MEIS3: variants seen among roughly 807,000 people sequenced by gnomAD.
MEIS3 encodes homeobox protein Meis3.
Under a neutral mutation model 51.4 loss-of-function variants are expected in MEIS3, and 38 were observed. That is an observed-to-expected ratio of 0.74 (90% CI 0.57 to 0.97). The LOEUF (loss-of-function observed/expected upper bound fraction) is 0.97, where lower values mean the gene tolerates loss of function less well. Among genes scored for constraint, MEIS3 ranks in the 50% least tolerant of loss-of-function variants. The probability of loss-of-function intolerance (pLI) is 0.00; values close to 1 mark genes in which losing one functional copy is unlikely to be tolerated. For missense variants in MEIS3, 456 were observed against 502.6 expected (o/e 0.91, Z 0.89); for synonymous variants, 198 against 201.8 (o/e 0.98, Z 0.16).
intron 8 of MEIS3, chr19:47,407,698 G>A (rs1217490926): frequency 2.9e-6 from 2 of 697,318 alleles, no homozygotes; most frequent in Non-Finnish European, 4.3e-6. Flanking sequence ...TGGGGGAGGG[G>A]GCTCCTGTGG....
At chr19:47,416,317 T>G in intron 4 of MEIS3, 1 of 277,564 alleles carries the variant, frequency 3.6e-6, no homozygotes. Context: ...CGCACTTGAA[T>G]CGCATTCACT....
At chr19:47,407,915 C>CT (rs1970930712) in intron 8 of MEIS3, among the ~76,000 whole-genome samples, 1 of 152,182 alleles carries the variant, frequency 6.6e-6, no homozygotes, top group Non-Finnish European at 1.5e-5. Context: ...TCAAGGGATT[C>CT]CCCGCCTCAG....
At chr19:47,414,694 C>G in intron 6 of MEIS3, 23 bp downstream of exon 6, 1 of 1,568,194 alleles carries the variant, frequency 6.4e-7, no homozygotes. Flanking sequence ...CAGGACGATG[C>G]CTGGTGCCCG....
chr19:47,421,500 G>A (rs940833956), upstream of MEIS3, among the ~76,000 whole-genome samples: 9 of 152,050 alleles, frequency 5.9e-5, no homozygotes, highest in South Asian at 4.2e-4. Context: ...CCTCTCTCTC[G>A]GGCCTGCTAG....
Position 47,403,352 on chromosome 19 carries a change from C to T in MEIS3, c.*219G>A. 2.2e-6 allele frequency: 1 copy of T among 450,856 alleles called. No homozygotes were observed. Among genetic ancestry groups the T allele is most frequent in the East Asian group, 7.0e-5 (1 of 14,324 alleles). 27.9% of individuals were successfully genotyped at this position (450,856 alleles called of 1,614,324 possible). The stretch of plus-strand genomic sequence containing the variant: ...CTCGGGTCCCAGGCAGAGGTGAAGG[C>T]AGAAGTGGGGCTCAGGGCCTGGAGG... On this transcript the variant is annotated 3_prime_UTR_variant, in exon 13 of 13. Transcript: ENST00000558555.
chr19:47,414,158 G>A (rs1337211792), intron 6 of MEIS3, among the ~76,000 whole-genome samples: 2 of 151,590 alleles, frequency 1.3e-5, no homozygotes, highest in Non-Finnish European at 2.9e-5. Context: ...GCCCGACTGT[G>A]ATGTGGCCAG....
chr19:47,413,563 G>A (rs529787057), intron 6 of MEIS3, among the ~76,000 whole-genome samples: 1 of 152,074 alleles, frequency 6.6e-6, no homozygotes, highest in East Asian at 1.9e-4. Context: ...GCTCTCATGC[G>A]ACTTCTCAAG....
At chr19:47,416,571 C>T (rs1282020990) in intron 4 of MEIS3, 81 bp downstream of exon 4, 2 of 1,212,980 alleles carry the variant, frequency 1.6e-6, no homozygotes, top group Non-Finnish European at 1.1e-6. Context: ...TCTCTGCACC[C>T]CCCCCACCAA....
chr19:47,405,545 G>A (rs1970772864), intron 12 of MEIS3, among the ~76,000 whole-genome samples: 1 of 151,902 alleles, frequency 6.6e-6, no homozygotes, highest in Non-Finnish European at 1.5e-5. Flanking sequence ...GGCATGTCAG[G>A]ATGGAGTGAG....
intron 1 of MEIS3, chr19:47,417,909 C>A: frequency 1.7e-6 from 1 of 582,722 alleles, no homozygotes; most frequent in South Asian, 2.1e-5. Context: ...TCAGTCACAC[C>A]CAAATCCCCC....
At chr19:47,416,460 T>G (rs1347230133) in intron 4 of MEIS3, 192 bp downstream of exon 4, 3 of 546,076 alleles carry the variant, frequency 5.5e-6, no homozygotes, top group Non-Finnish European at 9.7e-6. Context: ...GAGCTGGGAT[T>G]TGAACTCGGG....
upstream of MEIS3, among the ~76,000 whole-genome samples, chr19:47,419,898 T>G (rs1246951846): frequency 6.6e-6 from 1 of 151,890 alleles, no homozygotes; most frequent in Non-Finnish European, 1.5e-5. Flanking sequence ...AGGGGTCACG[T>G]GGGAATCTGG....
At chr19:47,417,548 G>T in intron 1 of MEIS3, 198 bp from the exon 2 acceptor site, 1 of 721,634 alleles carries the variant, frequency 1.4e-6, no homozygotes, top group Non-Finnish European at 2.5e-6. Context: ...GGGGAGTGAG[G>T]ACCCCGTCCA....
At chr19:47,420,908 T>TCACA (rs1214820030), upstream of MEIS3, among the ~76,000 whole-genome samples, 135 of 95,812 alleles carry the variant, frequency 1.4e-3, no homozygotes, top group Non-Finnish European at 2.5e-3. Context: ...TCTCTCTCTC[T>TCACA]CTCACACACA....
At chr19:47,420,948 T>A (rs797020830), upstream of MEIS3, among the ~76,000 whole-genome samples, 8,657 of 114,214 alleles carry the variant, frequency 0.076, 389 homozygotes, top group East Asian at 0.15. Context: ...ACACTCTCTC[T>A]CTCTCTCTCT....
chr19:47,406,845 A>G, intron 11 of MEIS3, 43 bp downstream of exon 11: 1 of 1,511,262 alleles, frequency 6.6e-7, no homozygotes, highest in East Asian at 2.4e-5. Flanking sequence ...CAGGTGGGTC[A>G]TGGTGCGCAG....
Position 47,409,559 on chromosome 19 carries a change from G to C in MEIS3, c.598-12C>G, listed in dbSNP as rs1470975328. The stretch of plus-strand genomic sequence containing the variant: ...ATCCACATATTATTCTAGAAAACAA[G>C]AGTTAGAAGTTAGTGCCAAGGCGGC... On this transcript the variant is annotated splice_polypyrimidine_tract_variant and intron_variant, in intron 6 of 12. Transcript: ENST00000558555. The C allele has an allele frequency of 6.2e-7, 1 of 1,607,276 alleles. No homozygotes were observed. Among genetic ancestry groups the C allele is most frequent in the Admixed American group, 1.7e-5 (1 of 59,978 alleles).
Position 47,407,349 on chromosome 19 carries a change from C to T in MEIS3, c.935+3G>A, listed in dbSNP as rs897581418. 2 of 1,612,590 alleles carry T rather than the reference C, an allele frequency of 1.2e-6. No homozygotes were observed. The highest frequency in any genetic ancestry group is 1.3e-5 in the African/African-American group (1 of 74,798). The stretch of plus-strand genomic sequence containing the variant: ...GGCCCGCGGGCCCTCCTGGGCCACT[C>T]ACCAGTTGTTGACTTGCAGGATGGT... On this transcript the variant is annotated splice_donor_region_variant and intron_variant, in intron 9 of 12. Coordinates refer to ENST00000558555, the MANE Select transcript of MEIS3 (RefSeq NM_001301059.2).
At chr19:47,420,919 C>T (rs796830877), upstream of MEIS3, among the ~76,000 whole-genome samples, 17 of 106,104 alleles carry the variant, frequency 1.6e-4, no homozygotes, top group African/African-American at 7.3e-4. Context: ...CTCACACACA[C>T]ACACACACAC....
Sources: gnomAD v4.1 joint callset for allele counts (sites outside exome capture counted in the v4.1 genomes callset) on GRCh38, gnomAD v4.1.1 for gene constraint, MANE v1.5 for transcripts, NCBI Gene and HGNC (gene_info 2026-07-23, HGNC 2026-07-21) for gene names.